Variants in CSMD1 observed in about 807,000 individuals in gnomAD.
CSMD1 encodes the protein CUB and Sushi multiple domains 1, also known as CUB and sushi domain-containing protein 1.
A neutral mutation model predicts 417.5 loss-of-function variants in CSMD1; 213 were observed. The observed-to-expected ratio is 0.51, with a 90% CI of 0.46 to 0.57. The LOEUF is 0.57. CSMD1 is among the 20% of genes least tolerant of loss of function. The pLI is 0.00. For missense variants in CSMD1, 6,923 were observed against 4,529.7 expected (o/e 1.53, Z -15.17); for synonymous variants, 2,862 against 1,736.8 (o/e 1.65, Z -16.11).
chr8:2,950,377 G>C, intron 66 of CSMD1, 34 bp from the exon 67 acceptor site: 2 of 1,305,530 alleles, frequency 1.5e-6, no homozygotes, highest in Non-Finnish European at 2.2e-6. Context: ...GCTTACCTTG[G>C]AGAAAGTTAG....
intron 26 of CSMD1, among the ~76,000 whole-genome samples, chr8:3,271,306 A>T (rs909883745): frequency 9.2e-5 from 14 of 151,832 alleles, no homozygotes; most frequent in African/African-American, 2.9e-4. Context: ...TATGTGCCAC[A>T]TTTTCTTAAT....
intron 3 of CSMD1, among the ~76,000 whole-genome samples, chr8:4,264,590 C>T (rs1041537058): frequency 8.5e-5 from 13 of 152,110 alleles, no homozygotes; most frequent in African/African-American, 1.9e-4. Context: ...ACTGGTTCCT[C>T]GGCGTTCTAG....
At chr8:4,792,521 G>A (rs1231587518) in intron 1 of CSMD1, among the ~76,000 whole-genome samples, 2 of 152,126 alleles carry the variant, frequency 1.3e-5, no homozygotes, top group African/African-American at 4.8e-5. Flanking sequence ...TGCTGTCTGT[G>A]CTTTGGGTGA....
chr8:3,142,336 A>G, intron 41 of CSMD1, 129 bp downstream of exon 41: 1 of 844,500 alleles, frequency 1.2e-6, no homozygotes, highest in Non-Finnish European at 1.9e-6. Context: ...ACCAGAAACC[A>G]ACATTCCACC....
chr8:3,754,487 C>G (rs999131415), intron 5 of CSMD1, among the ~76,000 whole-genome samples: 30 of 148,452 alleles, frequency 2.0e-4, no homozygotes, highest in African/African-American at 7.2e-4. Context: ...CGGAGTCTCA[C>G]TGTGTCATCC....
intron 7 of CSMD1, among the ~76,000 whole-genome samples, chr8:3,675,771 C>G (rs1194987458): frequency 3.3e-5 from 5 of 152,042 alleles, no homozygotes; most frequent in Admixed American, 6.6e-5. Context: ...AAATATATGT[C>G]TGTTGTTTAA....
intron 27 of CSMD1, among the ~76,000 whole-genome samples, chr8:3,224,207 CAT>C (rs1396313770): frequency 7.2e-5 from 11 of 152,178 alleles, no homozygotes; most frequent in African/African-American, 2.4e-4. Flanking sequence ...AACGTGCACA[CAT>C]GTGCACAAAC....
At chr8:4,201,540 C>CAAAAAAAAAAAAAA (rs1157479482) in intron 3 of CSMD1, among the ~76,000 whole-genome samples, 2 of 59,030 alleles carry the variant, frequency 3.4e-5, no homozygotes, top group Admixed American at 3.0e-4. Context: ...TCTGTCTCCA[C>CAAAAAAAAAAAAAA]AAAAAAAAAA....
intron 2 of CSMD1, among the ~76,000 whole-genome samples, chr8:4,537,705 A>C (rs1210699340): frequency 2.0e-5 from 3 of 152,044 alleles, no homozygotes; most frequent in Non-Finnish European, 2.9e-5. Flanking sequence ...GCTCAGACAA[A>C]AGCATGGCTT....
At chr8:4,639,518 G>C (rs1211472880) in intron 1 of CSMD1, among the ~76,000 whole-genome samples, 1 of 152,064 alleles carries the variant, frequency 6.6e-6, no homozygotes, top group African/African-American at 2.4e-5. Flanking sequence ...AACTGTCTAT[G>C]TTTCTTACCT....
intron 5 of CSMD1, among the ~76,000 whole-genome samples, chr8:3,915,769 C>T (rs117254055): frequency 0.013 from 1,964 of 149,340 alleles, 27 homozygotes; most frequent in Non-Finnish European, 0.019. Flanking sequence ...TCCATTGCAT[C>T]TGTTCCTAAA....
chr8:3,813,899 G>A (rs1324124324), intron 5 of CSMD1, among the ~76,000 whole-genome samples: 1 of 152,068 alleles, frequency 6.6e-6, no homozygotes. Flanking sequence ...TTTCCTTTTT[G>A]CTACTCTTCT....
intron 6 of CSMD1, among the ~76,000 whole-genome samples, chr8:3,711,071 T>A (rs894653181): frequency 6.6e-6 from 1 of 152,106 alleles, no homozygotes; most frequent in Non-Finnish European, 1.5e-5. Context: ...TATTTTCCTA[T>A]AGCAAATGTT....
At chr8:3,620,897 C>T (rs894357337) in intron 7 of CSMD1, among the ~76,000 whole-genome samples, 2 of 152,152 alleles carry the variant, frequency 1.3e-5, no homozygotes, top group Non-Finnish European at 2.9e-5. Flanking sequence ...CAAAGGGTTA[C>T]ACCTTGAAGT....
chr8:4,625,166 C>T (rs570572644), intron 2 of CSMD1, among the ~76,000 whole-genome samples: 1 of 152,086 alleles, frequency 6.6e-6, no homozygotes, highest in South Asian at 2.1e-4. Flanking sequence ...ACGGGAATCT[C>T]GTACGGGGAG....
At chr8:4,824,943 G>A (rs771833406) in intron 1 of CSMD1, among the ~76,000 whole-genome samples, 41 of 152,128 alleles carry the variant, frequency 2.7e-4, no homozygotes, top group African/African-American at 6.7e-4. Flanking sequence ...GACATTTCTC[G>A]GGAATCAAAG....
At chr8:4,831,892 C>CA (rs1431058016) in intron 1 of CSMD1, among the ~76,000 whole-genome samples, 1 of 151,856 alleles carries the variant, frequency 6.6e-6, no homozygotes, top group African/African-American at 2.4e-5. Flanking sequence ...GAAGAGGAAG[C>CA]AGCTGACACA....
chr8:4,606,774 A>G (rs2130779977), intron 2 of CSMD1, among the ~76,000 whole-genome samples: 1 of 152,328 alleles, frequency 6.6e-6, no homozygotes, highest in African/African-American at 2.4e-5. Context: ...AAATTTTCAA[A>G]TTGACATAAA....
In CSMD1 at chr8:2,998,138, A is replaced by G. The variant is rs200307297; in HGVS notation, c.8250T>C (p.Asn2750=). The G allele has an allele frequency of 2.7e-3, 4,431 of 1,614,042 alleles. 12 individuals carry two copies. Among genetic ancestry groups the G allele is most frequent in the Non-Finnish European group, 3.2e-3 (3,769 of 1,179,878 alleles). Residue 2750 remains asparagine (N), a synonymous_variant, in exon 54 of 70, where the codon AAT becomes AAC. Coordinates refer to ENST00000635120, the MANE Select transcript of CSMD1 (RefSeq NM_033225.6). ...CATCATTCAGGTTGAACTCACTGCCATTAGTGAATCCGTGGGCAGGGTTTC... is the reference window on the plus strand; with the variant it reads ...CATCATTCAGGTTGAACTCACTGCCGTTAGTGAATCCGTGGGCAGGGTTTC... ...HPGNPAHGFT[N]GSEFNLNDVV... is the part of the protein sequence containing the mutation.
Sources: allele counts gnomAD v4.1 joint callset (sites outside exome capture counted in the v4.1 genomes callset), GRCh38; gene constraint gnomAD v4.1.1; transcripts MANE v1.5; gene names NCBI Gene and HGNC (gene_info 2026-07-23, HGNC 2026-07-21).